ACYP2: variants seen among roughly 807,000 people sequenced by gnomAD.
The protein encoded by ACYP2 is acylphosphatase 2.
A neutral mutation model predicts 11.2 loss-of-function variants in ACYP2; 12 were observed. The observed-to-expected ratio is 1.08, with a 90% CI of 0.69 to 1.74. The LOEUF is 1.74. ACYP2 is among the 40% of genes most tolerant of loss of function. The probability of loss-of-function intolerance (pLI) is 0.00; values close to 1 mark genes in which losing one functional copy is unlikely to be tolerated. For synonymous variants in ACYP2, 43 were observed against 32.2 expected (o/e 1.33, Z -1.13); for missense variants, 134 against 101.9 (o/e 1.31, Z -1.35).
chr2:54,182,261 T>C (rs1322850803), intron 6 of ACYP2, among the ~76,000 whole-genome samples: 2 of 151,928 alleles, frequency 1.3e-5, no homozygotes, highest in Admixed American at 6.6e-5. Context: ...AGTTTCGTCA[T>C]GTTGGCCAGG....
chr2:54,115,296 C>A, intron 4 of ACYP2: 1 of 461,080 alleles, frequency 2.2e-6, no homozygotes, highest in East Asian at 3.9e-5. Context: ...ATATACCCAA[C>A]TTTTATTTGT....
At chr2:54,083,085 G>GA (rs202062980) in intron 4 of ACYP2, among the ~76,000 whole-genome samples, 17 of 132,200 alleles carry the variant, frequency 1.3e-4, no homozygotes, top group Admixed American at 4.6e-4. Context: ...AAAAAAAAAA[G>GA]AAAAAAAAAA....
intron 6 of ACYP2, among the ~76,000 whole-genome samples, chr2:54,145,985 T>C (rs1032389218): frequency 1.3e-5 from 2 of 152,244 alleles, no homozygotes; most frequent in African/African-American, 2.4e-5. Context: ...CTTAATCATA[T>C]GTTTTAATCA....
intron 6 of ACYP2, among the ~76,000 whole-genome samples, chr2:54,184,978 T>G (rs1683910058): frequency 1.3e-5 from 2 of 152,098 alleles, no homozygotes; most frequent in South Asian, 4.2e-4. Context: ...CCCGAGTAGC[T>G]GGGATTACAG....
chr2:54,179,942 A>G (rs1283860336), intron 6 of ACYP2, among the ~76,000 whole-genome samples: 2 of 152,172 alleles, frequency 1.3e-5, no homozygotes, highest in Non-Finnish European at 2.9e-5. Context: ...TCAGTCCCCA[A>G]GGTTCCCTCT....
chr2:54,136,452 A>C (rs111466694), intron 5 of ACYP2, among the ~76,000 whole-genome samples: 1 of 152,156 alleles, frequency 6.6e-6, no homozygotes, highest in Admixed American at 6.5e-5. Flanking sequence ...TGAGGGTTCC[A>C]ATATTTTCCC....
chr2:54,296,585 CACT>C (rs1394881232), intron 6 of ACYP2, among the ~76,000 whole-genome samples: 2 of 152,120 alleles, frequency 1.3e-5, no homozygotes, highest in African/African-American at 4.8e-5. Context: ...TTGTCTCCAC[CACT>C]GTTTATGATC....
intron 6 of ACYP2, among the ~76,000 whole-genome samples, chr2:54,160,893 A>G (rs1275150854): frequency 6.6e-6 from 1 of 152,238 alleles, no homozygotes; most frequent in East Asian, 1.9e-4. Flanking sequence ...TTAATTAACC[A>G]TATCATACTG....
chr2:54,027,432 G>A (rs1012549992), intron 2 of ACYP2, among the ~76,000 whole-genome samples: 5 of 152,096 alleles, frequency 3.3e-5, no homozygotes, highest in South Asian at 2.1e-4. Context: ...CTGAACAAAC[G>A]AGCCTAATTC....
At chr2:54,300,983 TGGCTA>T (rs1007354510) in intron 6 of ACYP2, among the ~76,000 whole-genome samples, 1 of 152,262 alleles carries the variant, frequency 6.6e-6, no homozygotes, top group African/African-American at 2.4e-5. Flanking sequence ...CATTACTTAC[TGGCTA>T]TTTATATTCC....
At chr2:54,054,014 G>C (rs1175517526) in intron 3 of ACYP2, among the ~76,000 whole-genome samples, 2 of 152,202 alleles carry the variant, frequency 1.3e-5, no homozygotes, top group Non-Finnish European at 2.9e-5. Context: ...TCTGGGTAGA[G>C]GATGGAATTG....
At chr2:54,032,175 G>A (rs2104555101) in intron 2 of ACYP2, among the ~76,000 whole-genome samples, 1 of 152,196 alleles carries the variant, frequency 6.6e-6, no homozygotes, top group Non-Finnish European at 1.5e-5. Flanking sequence ...CATTGCTTTT[G>A]GTGTTTTAGT....
At chr2:54,073,806 A>T (rs1432179763) in intron 4 of ACYP2, among the ~76,000 whole-genome samples, 1 of 152,254 alleles carries the variant, frequency 6.6e-6, no homozygotes, top group Non-Finnish European at 1.5e-5. Context: ...ATTCATTATT[A>T]GAAAAATAAT....
At chr2:54,250,065 T>A (rs1687145471) in intron 6 of ACYP2, among the ~76,000 whole-genome samples, 1 of 152,156 alleles carries the variant, frequency 6.6e-6, no homozygotes, top group Non-Finnish European at 1.5e-5. Flanking sequence ...CAGTGCACTT[T>A]CTATTTTATG....
intron 6 of ACYP2, among the ~76,000 whole-genome samples, chr2:54,200,380 C>T (rs1296470778): frequency 6.6e-6 from 1 of 152,136 alleles, no homozygotes; most frequent in Non-Finnish European, 1.5e-5. Context: ...TCCAACTCAA[C>T]AAGGCTTGAG....
chr2:54,099,974 A>C (rs1678806547), intron 4 of ACYP2, among the ~76,000 whole-genome samples: 1 of 152,114 alleles, frequency 6.6e-6, no homozygotes, highest in Admixed American at 6.5e-5. Flanking sequence ...TTTTCATCAC[A>C]GCCATTCTAA....
intron 6 of ACYP2, chr2:54,255,770 C>G (rs556002259): frequency 1.9e-6 from 3 of 1,613,916 alleles, no homozygotes; most frequent in African/African-American, 2.7e-5. Flanking sequence ...GTTTCTAGAG[C>G]CTTCTCCCCA....
intron 4 of ACYP2, among the ~76,000 whole-genome samples, chr2:54,120,687 C>T (rs369519994): frequency 9.2e-5 from 14 of 152,298 alleles, no homozygotes; most frequent in South Asian, 6.2e-4. Flanking sequence ...CAGCAGACTG[C>T]GCTCAGGCTG....
At chr2:54,003,032 C>A (rs752881367) in intron 2 of ACYP2, among the ~76,000 whole-genome samples, 2 of 151,808 alleles carry the variant, frequency 1.3e-5, no homozygotes, top group Non-Finnish European at 2.9e-5. Flanking sequence ...AATGCAACCT[C>A]CACCTCCTGG....
Sources: allele counts gnomAD v4.1 joint callset (sites outside exome capture counted in the v4.1 genomes callset), GRCh38; gene constraint gnomAD v4.1.1; transcripts MANE v1.5; gene names NCBI Gene and HGNC (gene_info 2026-07-23, HGNC 2026-07-21).